ANKRD30B: variants seen among roughly 807,000 people sequenced by gnomAD.
ANKRD30B encodes ankyrin repeat domain-containing protein 30B.
In ANKRD30B, 144 loss-of-function variants were observed where a neutral mutation model predicts 202.2. The ratio of observed to expected loss-of-function variants is 0.71; its 90% CI spans 0.62 to 0.82. The LOEUF (loss-of-function observed/expected upper bound fraction) is 0.82, where lower values mean the gene tolerates loss of function less well. Ranked by LOEUF, ANKRD30B falls within the 40% of genes least tolerant of loss-of-function variation. The probability of loss-of-function intolerance (pLI) is 0.00; values close to 1 mark genes in which losing one functional copy is unlikely to be tolerated. For missense variants in ANKRD30B, 1,487 were observed against 1,669.1 expected (o/e 0.89, Z 1.90); for synonymous variants, 508 against 561.3 (o/e 0.91, Z 1.34).
Position 14,772,142 on chromosome 18 carries a change from AT to A in ANKRD30B, c.1257-9del, listed in dbSNP as rs1189038039. 4.1e-6 allele frequency: 6 copies of A among 1,465,682 alleles called. No homozygotes were observed. Among genetic ancestry groups the A allele is most frequent in the South Asian group, 1.4e-5 (1 of 70,130 alleles). The allele number at this position is 1,465,682 out of a possible 1,614,324, so 90.8% of individuals were successfully genotyped here. A position where few individuals can be genotyped will look rare whatever the true frequency, so the allele number is the denominator to read the frequency against. On this transcript the variant is annotated splice_polypyrimidine_tract_variant and intron_variant, in intron 8 of 43. Coordinates refer to ENST00000690538, the MANE Select transcript of ANKRD30B (RefSeq NM_001367607.2). ...TGAATTTGCTCATTTATGTTGTATC[AT>A]TTTTCTTTAAAGTCTTTTTGGCACA...
At chr18:14,880,643 A>G in the ANKRD30B span, among the ~76,000 whole-genome samples, 13 of 144,916 alleles carry the variant, frequency 9.0e-5, no homozygotes, top group East Asian at 2.0e-4. Flanking sequence ...TTGGCTCACT[A>G]CAACTTCTGC....
At position 14,763,675 on chromosome 18, in the gene ANKRD30B, G is replaced by C. The variant is rs572231661; in HGVS notation, c.821-11G>C. The C allele has an allele frequency of 1.4e-4, 229 of 1,612,926 alleles. 5 individuals are homozygous for C. In the South Asian group the frequency reaches 2.4e-3, roughly 17 times the overall value. ...CAGAAAGAAAATTTAACCAGATTGT[G>C]TGTTTGGCAGAAGGAACATCTACAG... On this transcript the variant is annotated splice_polypyrimidine_tract_variant and intron_variant, in intron 6 of 43. Coordinates refer to ENST00000690538, the MANE Select transcript of ANKRD30B (RefSeq NM_001367607.2).
intron 24 of ANKRD30B, among the ~76,000 whole-genome samples, chr18:14,804,237 A>G (rs1452315980): frequency 2.1e-5 from 1 of 46,602 alleles, no homozygotes; most frequent in African/African-American, 8.4e-5. Context: ...GGAAGAATAT[A>G]AAGTGACTTT....
chr18:14,841,202 A>T (rs1033387378), intron 37 of ANKRD30B, among the ~76,000 whole-genome samples: 8 of 152,196 alleles, frequency 5.3e-5, no homozygotes, highest in African/African-American at 1.9e-4. Context: ...ATGTGAATAT[A>T]AGCATATTTT....
intron 4 of ANKRD30B, among the ~76,000 whole-genome samples, chr18:14,755,563 C>G (rs188134217): frequency 6.6e-6 from 1 of 152,048 alleles, no homozygotes; most frequent in Non-Finnish European, 1.5e-5. Context: ...TTCCCCTCAC[C>G]CCTCAACAGT....
At chr18:14,763,523 C>G (rs1157857323) in intron 6 of ANKRD30B, among the ~76,000 whole-genome samples, 163 bp from the exon 7 acceptor site, 2 of 151,794 alleles carry the variant, frequency 1.3e-5, no homozygotes, top group African/African-American at 4.8e-5. Flanking sequence ...GCACTCTAGC[C>G]TGGGTAACAG....
rs1193515637 is a variant in ANKRD30B at position 14,852,072 on chromosome 18, T to C, written c.4128T>C (p.Asn1376=). The C allele has an allele frequency of 6.2e-7, 1 of 1,609,854 alleles. No homozygotes were observed. The highest frequency in any genetic ancestry group is 8.5e-7 in the Non-Finnish European group (1 of 1,177,560). Residue 1376 remains asparagine, a synonymous_variant, in exon 42 of 44, where the codon AAT becomes AAC. Coordinates refer to ENST00000690538, the MANE Select transcript of ANKRD30B (RefSeq NM_001367607.2). ...LNYAGDDLRE[N]ALVSEHAQRD... is the part of the protein sequence containing the mutation. The stretch of plus-strand genomic sequence containing the variant: ...ATGCAGGAGATGATCTAAGAGAAAA[T>C]GCATTGGTTTCAGAACATGCACAAA...
rs781459228 is a variant in ANKRD30B at position 14,843,091 on chromosome 18, G to C, written c.3176G>C (p.Arg1059Thr). 3.1e-6 allele frequency: 5 copies of C among 1,608,852 alleles called. No homozygotes were observed. Among genetic ancestry groups the C allele is most frequent in the Non-Finnish European group, 4.2e-6 (5 of 1,177,832 alleles). ...GAATGGAAGAATAAACAAACATTGA[G>C]AGCAGGTAAATTTTACAGTTCAACT... ...GLEWKNKQTLRADSTTLSKIL... is the reference protein window; with the variant it reads ...GLEWKNKQTLTADSTTLSKIL... Residue 1059 changes from arginine (R) to threonine (T), a missense_variant, in exon 39 of 44, where the codon AGA becomes ACA. Physicochemically the swap from Arg to Thr is moderately conservative, Grantham distance 71. Coordinates refer to ENST00000690538, the MANE Select transcript of ANKRD30B (RefSeq NM_001367607.2).
chr18:14,928,974 T>C, the ANKRD30B span, among the ~76,000 whole-genome samples: 1 of 152,188 alleles, frequency 6.6e-6, no homozygotes, highest in Non-Finnish European at 1.5e-5. Flanking sequence ...CTAGAACTAT[T>C]CCTCTGATTA....
At chr18:14,875,292 G>A in the ANKRD30B span, among the ~76,000 whole-genome samples, 1 of 152,192 alleles carries the variant, frequency 6.6e-6, no homozygotes, top group East Asian at 1.9e-4. Context: ...AAGCTACATG[G>A]CCATGTCAGG....
At chr18:14,924,968 C>T in the ANKRD30B span, among the ~76,000 whole-genome samples, 2 of 152,338 alleles carry the variant, frequency 1.3e-5, no homozygotes, top group Admixed American at 6.5e-5. Context: ...GCTTTCTCAT[C>T]TGCAAATGGG....
At chr18:14,938,447 C>T in the ANKRD30B span, among the ~76,000 whole-genome samples, 9 of 152,322 alleles carry the variant, frequency 5.9e-5, no homozygotes, top group African/African-American at 1.7e-4. Context: ...CCACCCCCAA[C>T]CCATATTCCC....
In ANKRD30B at chr18:14,784,364, G is replaced by T; in HGVS notation, c.1599G>T (p.Lys533Asn). ...EELPEKPSAF[K>N]PAVEMQKTVP... The stretch of plus-strand genomic sequence containing the variant: ...TTCCTGAGAAGCCATCTGCCTTCAA[G>T]GTATTTAGTTTTATGGTTTCATTTT... The change falls in exon 13 of 44, where the codon AAG becomes AAT. Residue 533 changes from lysine (K) to asparagine (N), a missense_variant and splice_region_variant. Coordinates refer to ENST00000690538, the MANE Select transcript of ANKRD30B (RefSeq NM_001367607.2). 6.2e-7 allele frequency: 1 copy of T among 1,612,702 alleles called. No individual in the cohort carries two copies. Among genetic ancestry groups the T allele is most frequent in the Non-Finnish European group, 8.5e-7 (1 of 1,179,166 alleles).
intron 20 of ANKRD30B, among the ~76,000 whole-genome samples, chr18:14,798,311 G>T (rs916440910): frequency 4.6e-5 from 7 of 151,954 alleles, no homozygotes; most frequent in Admixed American, 1.3e-4. Flanking sequence ...TGGTCACATG[G>T]GGATGAAGTA....
At chr18:14,900,813 C>T in the ANKRD30B span, among the ~76,000 whole-genome samples, 1 of 152,136 alleles carries the variant, frequency 6.6e-6, no homozygotes, top group African/African-American at 2.4e-5. Context: ...TTCCACCTTC[C>T]TGCTGGAATT....
chr18:14,830,776 G>A (rs1326809816), intron 33 of ANKRD30B, among the ~76,000 whole-genome samples: 3 of 152,174 alleles, frequency 2.0e-5, no homozygotes, highest in Non-Finnish European at 4.4e-5. Flanking sequence ...ATTATACTCA[G>A]GGTATGCCAA....
At chr18:14,851,457 T>A (rs1971881082) in intron 41 of ANKRD30B, 52 bp from the exon 42 acceptor site, 2 of 1,452,512 alleles carry the variant, frequency 1.4e-6, no homozygotes, top group East Asian at 2.5e-5. Context: ...AGAGGAACTA[T>A]GATATGCCAT....
the ANKRD30B span, chr18:14,890,140 A>G: frequency 2.5e-6 from 2 of 792,706 alleles, no homozygotes; most frequent in Admixed American, 1.9e-5. Flanking sequence ...CAGCTTTGCC[A>G]ATGATCCATG....
chr18:14,793,229 A>T (rs1386401221), intron 16 of ANKRD30B, among the ~76,000 whole-genome samples: 1 of 152,030 alleles, frequency 6.6e-6, no homozygotes, highest in Non-Finnish European at 1.5e-5. Context: ...AAGCTGATCA[A>T]TTCATAACAC....
Sources: allele counts gnomAD v4.1 joint callset (sites outside exome capture counted in the v4.1 genomes callset), GRCh38; gene constraint gnomAD v4.1.1; transcripts MANE v1.5; gene names NCBI Gene and HGNC (gene_info 2026-07-23, HGNC 2026-07-21).